Variants in ARHGAP26 observed in about 807,000 individuals in gnomAD.
ARHGAP26 encodes the protein Rho GTPase activating protein 26.
In ARHGAP26, 38 loss-of-function variants were observed where a neutral mutation model predicts 104.8. That is an observed-to-expected ratio of 0.36 (90% CI 0.28 to 0.48). The LOEUF (loss-of-function observed/expected upper bound fraction) is 0.48. ARHGAP26 is among the 20% of genes least tolerant of loss of function. The pLI is 0.99. For synonymous variants in ARHGAP26, 341 were observed against 340.0 expected (o/e 1.00, Z -0.03); for missense variants, 704 against 947.9 (o/e 0.74, Z 3.38).
chr5:143,190,402 A>G (rs995050884), intron 20 of ARHGAP26, among the ~76,000 whole-genome samples: 9 of 152,220 alleles, frequency 5.9e-5, no homozygotes, highest in Non-Finnish European at 1.2e-4. Flanking sequence ...TGAGTAGCAG[A>G]TGCAGCATGT....
intron 10 of ARHGAP26, chr5:142,921,891 G>T (rs1005441715): frequency 6.6e-6 from 1 of 152,108 alleles, no homozygotes; most frequent in African/African-American, 2.4e-5. Flanking sequence ...CTAAAACCTG[G>T]GGCTTTATTG....
At chr5:143,175,483 G>GA (rs1240569594) in intron 20 of ARHGAP26, among the ~76,000 whole-genome samples, 4 of 151,470 alleles carry the variant, frequency 2.6e-5, no homozygotes, top group African/African-American at 4.9e-5. Flanking sequence ...AAATGTTTTA[G>GA]AAAAAAGATT....
chr5:142,797,179 A>G (rs963361487), intron 1 of ARHGAP26, among the ~76,000 whole-genome samples: 29 of 152,208 alleles, frequency 1.9e-4, no homozygotes, highest in African/African-American at 6.5e-4. Context: ...AGAGCATTGT[A>G]TCATTTCTCT....
chr5:142,883,437 A>G (rs1391890485), intron 4 of ARHGAP26, among the ~76,000 whole-genome samples: 2 of 152,210 alleles, frequency 1.3e-5, no homozygotes, highest in African/African-American at 4.8e-5. Flanking sequence ...CTTTTTCTTC[A>G]TTTGCTGCTA....
At chr5:142,933,371 A>G (rs1048880741) in intron 11 of ARHGAP26, among the ~76,000 whole-genome samples, 2 of 152,196 alleles carry the variant, frequency 1.3e-5, no homozygotes, top group African/African-American at 4.8e-5. Flanking sequence ...CATTTTATAG[A>G]TAAGTAAACT....
intron 10 of ARHGAP26, among the ~76,000 whole-genome samples, chr5:142,918,565 A>G (rs1221891427): frequency 6.6e-6 from 1 of 151,980 alleles, no homozygotes; most frequent in African/African-American, 2.4e-5. Context: ...CTGTGTCCAC[A>G]CCCTTTTGTA....
intron 11 of ARHGAP26, among the ~76,000 whole-genome samples, chr5:142,975,695 C>A (rs998934035): frequency 6.6e-5 from 10 of 152,096 alleles, no homozygotes; most frequent in Non-Finnish European, 1.3e-4. Flanking sequence ...CCTAAGATTG[C>A]AGTGTGTATA....
rs76439586 is a variant in ARHGAP26 at position 143,115,362 on chromosome 5, A to C, written c.1539-5626A>C. ...AACAACAACAACAACAAAAAACGAA[A>C]GAAAGAAAAGACGTACTATTATGAT... On this transcript the variant is annotated intron_variant, in intron 17 of 22. Transcript: ENST00000645722. 2.7e-4 allele frequency among the ~76,000 whole-genome samples: 4 copies of C among 15,042 alleles called. No homozygotes were observed. The East Asian group carries it at 5.7e-3, about 21-fold the overall frequency. 9.9% of individuals were successfully genotyped at this position (15,042 alleles called of 152,430 possible).
Position 143,226,438 on chromosome 5 carries a change from G to T in ARHGAP26, c.*3992G>T, listed in dbSNP as rs1028098595. ...AGAGATTGCAGTGAGCCAAGATCAC[G>T]CCCCTGCACTCCAGCCTGGGTGACA... On this transcript the variant is annotated 3_prime_UTR_variant, in exon 23 of 23. Coordinates refer to ENST00000645722, the MANE Select transcript of ARHGAP26 (RefSeq NM_001135608.3). 5.9e-6 allele frequency: 1 copy of T among 169,332 alleles called. No individual in the cohort carries two copies. The highest frequency in any genetic ancestry group is 2.1e-4 in the South Asian group (1 of 4,844). 10.5% of individuals were successfully genotyped at this position (169,332 alleles called of 1,614,324 possible).
chr5:143,128,823 T>C (rs1262428095), intron 18 of ARHGAP26, among the ~76,000 whole-genome samples: 2 of 152,230 alleles, frequency 1.3e-5, no homozygotes, highest in African/African-American at 4.8e-5. Flanking sequence ...TGTTTTGCTT[T>C]GTAATCCCCA....
At chr5:143,120,321 C>T (rs1215693344) in intron 17 of ARHGAP26, among the ~76,000 whole-genome samples, 1 of 152,106 alleles carries the variant, frequency 6.6e-6, no homozygotes, top group African/African-American at 2.4e-5. Flanking sequence ...CGACTGTTGA[C>T]CCTGTGTGTT....
chr5:143,220,384 T>C (rs1810986741), intron 22 of ARHGAP26, among the ~76,000 whole-genome samples: 1 of 152,246 alleles, frequency 6.6e-6, no homozygotes, highest in Non-Finnish European at 1.5e-5. Flanking sequence ...TAGCCTGTAC[T>C]GAGCATTTGC....
intron 12 of ARHGAP26, among the ~76,000 whole-genome samples, chr5:143,018,624 C>G (rs939876932): frequency 6.6e-6 from 1 of 152,168 alleles, no homozygotes; most frequent in African/African-American, 2.4e-5. Flanking sequence ...ATTTGTAGTG[C>G]CAGTGTTCTT....
chr5:143,158,398 C>G (rs1340486167), intron 20 of ARHGAP26, among the ~76,000 whole-genome samples: 1 of 152,194 alleles, frequency 6.6e-6, no homozygotes, highest in African/African-American at 2.4e-5. Flanking sequence ...GCCCCCTACC[C>G]TATTGTTCCT....
intron 1 of ARHGAP26, among the ~76,000 whole-genome samples, chr5:142,835,187 G>T (rs1182326128): frequency 6.6e-6 from 1 of 152,172 alleles, no homozygotes; most frequent in Non-Finnish European, 1.5e-5. Context: ...GTTTGAAATA[G>T]CCTCTGTTTA....
intron 11 of ARHGAP26, among the ~76,000 whole-genome samples, chr5:142,935,234 T>C (rs1022071406): frequency 6.6e-5 from 10 of 152,236 alleles, no homozygotes; most frequent in Non-Finnish European, 1.2e-4. Flanking sequence ...GTTTCCTCTT[T>C]TGTATTGGCT....
chr5:142,922,118 T>C (rs1208197505), intron 10 of ARHGAP26: 1 of 152,180 alleles, frequency 6.6e-6, no homozygotes, highest in African/African-American at 2.4e-5. Flanking sequence ...ATGCTTCAAA[T>C]AAAGATAAAG....
chr5:143,184,064 G>A (rs963449233), intron 20 of ARHGAP26, among the ~76,000 whole-genome samples: 1 of 152,192 alleles, frequency 6.6e-6, no homozygotes, highest in African/African-American at 2.4e-5. Flanking sequence ...TTTCATGGGG[G>A]AAAGGGGTTA....
In ARHGAP26 at chr5:142,900,487, T is replaced by G. The variant is rs185079306; in HGVS notation, c.598-1448T>G. On this transcript the variant is annotated intron_variant, in intron 6 of 22. Coordinates refer to ENST00000645722, the MANE Select transcript of ARHGAP26 (RefSeq NM_001135608.3). ...AAGGGCCATATTGTCATAATCTGGG[T>G]TTTATCTTCACAGGGCCCAGATCTT... 4.3e-4 allele frequency among the ~76,000 whole-genome samples: 66 copies of G among 151,856 alleles called. 1 individual carries two copies. In the East Asian group the frequency reaches 0.01, roughly 24 times the overall value.
Sources: gnomAD v4.1 joint callset for allele counts (sites outside exome capture counted in the v4.1 genomes callset) on GRCh38, gnomAD v4.1.1 for gene constraint, MANE v1.5 for transcripts, NCBI Gene and HGNC (gene_info 2026-07-23, HGNC 2026-07-21) for gene names.